RERE: variants seen among roughly 807,000 people sequenced by gnomAD.
RERE encodes arginine-glutamic acid dipeptide repeats protein.
RERE carries 40 observed loss-of-function variants against 146.1 expected under a neutral mutation model. The ratio of observed to expected loss-of-function variants is 0.27; its 90% confidence interval spans 0.21 to 0.36. RERE has a LOEUF of 0.36. Among genes scored for constraint, RERE ranks in the 10% least tolerant of loss-of-function variants. RERE has a pLI of 1.00. For missense variants in RERE, 1,933 were observed against 2,138.7 expected, an observed-to-expected ratio of 0.90 and a Z score of 1.90; for synonymous variants, 1,003 against 866.0, an observed-to-expected ratio of 1.16 and a Z score of -2.78.
rs1170818354 is a variant in RERE at position 8,360,417 on chromosome 1, G to C, written c.3090C>G (p.Pro1030=). 21 of 1,350,850 alleles carry C rather than the reference G, an allele frequency of 1.6e-5. No homozygotes were observed. In the Admixed American group the frequency reaches 6.4e-4, roughly 41 times the overall value. The allele number at this position is 1,350,850 out of a possible 1,614,324, so 83.7% of individuals were successfully genotyped here. Residue 1030 remains proline (P), a synonymous_variant, in exon 18 of 23, where the codon CCC becomes CCG. Coordinates refer to ENST00000400908, the MANE Select transcript of RERE (RefSeq NM_001042681.2). ...AGGGGTGCTGAGCAAACGGGGGTTG[G>C]GGGGCCACCTGGTGGAGGCCTGTAG... ...HPPTGLHQVA[P]QPPFAQHPFV...
At chr1:8,625,359 A>T (rs559055621) in intron 2 of RERE, among the ~76,000 whole-genome samples, 1 of 152,200 alleles carries the variant, frequency 6.6e-6, no homozygotes, top group Non-Finnish European at 1.5e-5. Flanking sequence ...TCCTACCCCC[A>T]TATCACAACC....
Position 8,358,866 on chromosome 1 carries a change from A to G in RERE, c.3669T>C (p.Ser1223=), listed in dbSNP as rs777641773. ...AGGATGGCCGCATGTGGCCAGGACC[A>G]CTGAGCTGTGGGTCACTGAGGCGAC... is the stretch of plus-strand genomic sequence containing the variant. ...HEGRLSDPQL[S]GPGHMRPSFE... The change falls in exon 20 of 23, where the codon AGT becomes AGC. Residue 1223 remains serine, a synonymous_variant. Transcript: ENST00000400908. 3 of 1,585,942 alleles carry G rather than the reference A, an allele frequency of 1.9e-6. No homozygotes were observed. In the African/African-American group the frequency reaches 4.0e-5, roughly 21 times the overall value.
chr1:8,369,193 G>C lies in RERE; in HGVS notation c.1285-3219C>G, dbSNP rs150631250. ...TCCAGCCTGGGGGACAGGGCGAGAG[G>C]CCATCTCTTTAAAAAAAATAAAAGA... On this transcript the variant is annotated intron_variant, in intron 12 of 22. Coordinates refer to ENST00000400908, the MANE Select transcript of RERE (RefSeq NM_001042681.2). Among the ~76,000 whole-genome samples the C allele has an allele frequency of 8.4e-3, 1,271 of 152,142 alleles. 14 individuals carry two copies. The highest frequency in any genetic ancestry group is 0.029 in the African/African-American group (1,214 of 41,492).
intron 4 of RERE, among the ~76,000 whole-genome samples, chr1:8,601,767 AC>A (rs1646633384): frequency 6.6e-6 from 1 of 151,308 alleles, no homozygotes; most frequent in African/African-American, 2.4e-5. Flanking sequence ...ACACACACAC[AC>A]ACACACACAA....
intron 4 of RERE, among the ~76,000 whole-genome samples, chr1:8,586,824 T>C (rs773720016): frequency 1.3e-5 from 2 of 152,102 alleles, no homozygotes; most frequent in Non-Finnish European, 2.9e-5. Flanking sequence ...AAACACAATA[T>C]GAGAAAGCAG....
At chr1:8,441,462 G>A (rs1176057305) in intron 11 of RERE, among the ~76,000 whole-genome samples, 1 of 152,140 alleles carries the variant, frequency 6.6e-6, no homozygotes, top group Non-Finnish European at 1.5e-5. Context: ...CAGGGGCACT[G>A]AACAAGGGGA....
chr1:8,607,530 A>ATATATATTT (rs1646732034), intron 4 of RERE, among the ~76,000 whole-genome samples: 1 of 57,598 alleles, frequency 1.7e-5, no homozygotes, highest in East Asian at 9.6e-4. Flanking sequence ...TTTTATATAT[A>ATATATATTT]TTTCTTTTTT....
chr1:8,401,357 G>A lies in RERE; in HGVS notation c.1284+21370C>T, dbSNP rs1018334304. On this transcript the variant is annotated intron_variant, in intron 12 of 22. Transcript: ENST00000400908. ...TTCCAGAGCCCAAGGTGGGAGAATC[G>A]CTTGAACCCGGGAGGTGGAGTTTGC... Among the ~76,000 whole-genome samples, 14 of 151,578 alleles carry A rather than the reference G, an allele frequency of 9.2e-5. No individual in the cohort carries two copies. The South Asian group carries it at 1.0e-3, about 11-fold the overall frequency.
chr1:8,366,697 T>C lies in RERE; in HGVS notation c.1285-723A>G, dbSNP rs1321645062. ...GTGGTGCTGATGCAAAGGTGAAATA[T>C]CACACACCACAAGGTCAGGCTTCTT... On this transcript the variant is annotated intron_variant, in intron 12 of 22. Coordinates refer to ENST00000400908, the MANE Select transcript of RERE (RefSeq NM_001042681.2). Among the ~76,000 whole-genome samples, 7 of 151,994 alleles carry C rather than the reference T, an allele frequency of 4.6e-5. No homozygotes were observed. In the South Asian group the frequency reaches 6.2e-4, roughly 14 times the overall value.
At chr1:8,438,825 C>G (rs977890665) in intron 11 of RERE, among the ~76,000 whole-genome samples, 5 of 152,150 alleles carry the variant, frequency 3.3e-5, no homozygotes, top group African/African-American at 1.2e-4. Flanking sequence ...AAAATATTAA[C>G]TTATACATAT....
At chr1:8,707,473 A>G (rs145127811) in intron 1 of RERE, among the ~76,000 whole-genome samples, 67 of 152,296 alleles carry the variant, frequency 4.4e-4, no homozygotes, top group African/African-American at 1.5e-3. Flanking sequence ...AATCATAACC[A>G]TATCTTCTGA....
chr1:8,501,284 G>T (rs1158534421), intron 8 of RERE, among the ~76,000 whole-genome samples: 1 of 133,860 alleles, frequency 7.5e-6, no homozygotes, highest in Non-Finnish European at 1.6e-5. Flanking sequence ...CCCCTACCGG[G>T]AAGTGAGGAC....
chr1:8,629,030 C>G (rs889163965), intron 2 of RERE, among the ~76,000 whole-genome samples: 3 of 152,042 alleles, frequency 2.0e-5, no homozygotes, highest in East Asian at 1.9e-4. Context: ...TCAGAATCAC[C>G]CATGTAAAAA....
chr1:8,437,172 G>A (rs957709602), intron 11 of RERE, among the ~76,000 whole-genome samples: 1 of 152,184 alleles, frequency 6.6e-6, no homozygotes, highest in African/African-American at 2.4e-5. Flanking sequence ...AAGGGAAACT[G>A]AAGACCTCGA....
At chr1:8,406,838 T>C (rs1643457467) in intron 12 of RERE, among the ~76,000 whole-genome samples, 1 of 152,054 alleles carries the variant, frequency 6.6e-6, no homozygotes, top group African/African-American at 2.4e-5. Flanking sequence ...CGTACATATA[T>C]AATTTTAGAC....
intron 7 of RERE, among the ~76,000 whole-genome samples, chr1:8,536,936 C>G (rs2124381664): frequency 6.6e-6 from 1 of 152,260 alleles, no homozygotes; most frequent in Middle Eastern, 3.4e-3. Flanking sequence ...AGTGGAGCGG[C>G]TCATACCTGT....
chr1:8,641,746 C>T (rs1198301965), intron 2 of RERE, among the ~76,000 whole-genome samples: 1 of 152,202 alleles, frequency 6.6e-6, no homozygotes, highest in East Asian at 1.9e-4. Context: ...AACTGTGAGG[C>T]AGTAACATCT....
At position 8,356,184 on chromosome 1, in the gene RERE, A is replaced by C. The variant is rs1182729063; in HGVS notation, c.4402T>G (p.Phe1468Val). Residue 1468 changes from phenylalanine (F) to valine (V), a missense_variant, in exon 21 of 23, where the codon TTC becomes GTC. This residue lies in a region of RERE where 133 missense variants were observed against 168.6 expected (regional missense o/e 0.79). Transcript: ENST00000400908. The surrounding 1 kb of genome is among the most constrained non-coding windows in gnomAD (Gnocchi z 5.2). The stretch of plus-strand genomic sequence containing the variant: ...GGGAGAGTGCCAGGCGGGTAGGGGA[A>C]GCGAGCCAGGTGGGGACCGGCAGTC... ...PLTAGPHLAR[F>V]PYPPGTLPNP... is the part of the protein sequence containing the mutation. 6.6e-7 allele frequency: 1 copy of C among 1,521,584 alleles called. No individual in the cohort carries two copies. The highest frequency in any genetic ancestry group is 1.3e-5 in the South Asian group (1 of 77,480). The allele number at this position is 1,521,584 out of a possible 1,614,324, so 94.3% of individuals were successfully genotyped here. A position where few individuals can be genotyped will look rare whatever the true frequency, so the allele number is the denominator to read the frequency against.
intron 3 of RERE, among the ~76,000 whole-genome samples, chr1:8,621,163 A>G (rs186166781): frequency 2.0e-5 from 3 of 152,266 alleles, no homozygotes; most frequent in Admixed American, 2.0e-4. Context: ...TTGAGAGTGA[A>G]AGGGGAGGCT....
Sources: gnomAD v4.1 joint callset for allele counts (sites outside exome capture counted in the v4.1 genomes callset) on GRCh38, gnomAD v4.1.1 for gene constraint, gnomAD v4.1.1 regional missense constraint, Gnocchi (gnomAD v3.1) non-coding constraint, MANE v1.5 for transcripts, NCBI Gene and HGNC (gene_info 2026-07-23, HGNC 2026-07-21) for gene names.